NRXN1: variants seen among roughly 807,000 people sequenced by gnomAD.
NRXN1 encodes the protein neurexin-1.
NRXN1 carries 39 observed loss-of-function variants against 150.9 expected under a neutral mutation model. The ratio of observed to expected loss-of-function variants is 0.26; its 90% CI spans 0.20 to 0.34. The LOEUF is 0.34. Ranked by LOEUF, NRXN1 falls within the 10% of genes least tolerant of loss-of-function variation. The probability of loss-of-function intolerance (pLI) is 1.00; values close to 1 mark genes in which losing one functional copy is unlikely to be tolerated. For missense variants in NRXN1, 1,815 were observed against 1,949.9 expected (o/e 0.93, Z 1.30); for synonymous variants, 924 against 757.0 (o/e 1.22, Z -3.62).
intron 16 of NRXN1, chr2:50,466,575 A>T: frequency 2.2e-6 from 1 of 449,820 alleles, no homozygotes; most frequent in Non-Finnish European, 4.5e-6. Context: ...GAATGTTCAG[A>T]TTCAAAAGGC....
chr2:50,943,376 T>A (rs1274065288), intron 2 of NRXN1, among the ~76,000 whole-genome samples: 1 of 152,226 alleles, frequency 6.6e-6, no homozygotes, highest in African/African-American at 2.4e-5. Flanking sequence ...CAACCTAATA[T>A]AATCATATTT....
chr2:50,885,901 T>C (rs1003742286), intron 5 of NRXN1, among the ~76,000 whole-genome samples: 3 of 150,536 alleles, frequency 2.0e-5, no homozygotes, highest in African/African-American at 7.3e-5. Flanking sequence ...AGAAGTACAT[T>C]TTAGTTAATT....
chr2:50,239,070 C>T (rs182547234), intron 17 of NRXN1, among the ~76,000 whole-genome samples: 71 of 151,294 alleles, frequency 4.7e-4, no homozygotes, highest in Non-Finnish European at 9.2e-4. Context: ...TCCTGAGCCA[C>T]TTATGTTCTA....
chr2:50,685,329 C>A (rs1691062984), intron 5 of NRXN1, among the ~76,000 whole-genome samples: 2 of 152,260 alleles, frequency 1.3e-5, no homozygotes, highest in Admixed American at 6.5e-5. Context: ...AAAGCCAACA[C>A]ACTCAGGAAT....
At chr2:50,707,557 A>T (rs572882123) in intron 5 of NRXN1, among the ~76,000 whole-genome samples, 1 of 152,230 alleles carries the variant, frequency 6.6e-6, no homozygotes, top group East Asian at 1.9e-4. Context: ...GCTTTTTATC[A>T]TTTCAAAACT....
intron 8 of NRXN1, among the ~76,000 whole-genome samples, chr2:50,585,293 A>T (rs367803150): frequency 5.0e-4 from 76 of 152,326 alleles, no homozygotes; most frequent in African/African-American, 1.8e-3. Flanking sequence ...ATATTGTATG[A>T]TTCCACCTAT....
At chr2:50,902,076 T>C (rs1246740053) in intron 5 of NRXN1, among the ~76,000 whole-genome samples, 1 of 152,152 alleles carries the variant, frequency 6.6e-6, no homozygotes, top group Non-Finnish European at 1.5e-5. Context: ...AGTGTAATAA[T>C]GTACTATTTT....
chr2:50,964,005 A>G (rs1693639418), intron 2 of NRXN1: 2 of 438,020 alleles, frequency 4.6e-6, no homozygotes, highest in Middle Eastern at 6.8e-4. Context: ...AAATAGAGCA[A>G]CATGCTAATC....
At chr2:50,349,712 C>A (rs371505624) in intron 17 of NRXN1, among the ~76,000 whole-genome samples, 1 of 152,158 alleles carries the variant, frequency 6.6e-6, no homozygotes, top group African/African-American at 2.4e-5. Flanking sequence ...TGTTGGTGTT[C>A]TTTAAAATAT....
intron 5 of NRXN1, among the ~76,000 whole-genome samples, chr2:50,708,631 A>G (rs922626118): frequency 3.3e-5 from 5 of 152,092 alleles, no homozygotes; most frequent in Non-Finnish European, 7.4e-5. Flanking sequence ...TTTCCCATAA[A>G]ACAGGGTACC....
chr2:50,818,637 G>C (rs1026479442), intron 5 of NRXN1, among the ~76,000 whole-genome samples: 1 of 151,654 alleles, frequency 6.6e-6, no homozygotes, highest in African/African-American at 2.4e-5. Flanking sequence ...TCCTGAATAC[G>C]ACACCAAAAG....
intron 8 of NRXN1, among the ~76,000 whole-genome samples, chr2:50,557,324 A>G (rs754544671): frequency 6.6e-6 from 1 of 152,184 alleles, no homozygotes; most frequent in South Asian, 2.1e-4. Flanking sequence ...TCATTACTTA[A>G]CTATGGTAGT....
At chr2:50,177,774 ACTCTCT>A (rs72085403) in intron 18 of NRXN1, among the ~76,000 whole-genome samples, 46,984 of 130,976 alleles carry the variant, frequency 0.36, 8,442 homozygotes, top group East Asian at 0.51. Flanking sequence ...TAACTAACTA[ACTCTCT>A]CTCTCTCTCT....
At chr2:50,172,308 G>C (rs1053990355) in intron 18 of NRXN1, among the ~76,000 whole-genome samples, 4 of 152,078 alleles carry the variant, frequency 2.6e-5, no homozygotes, top group African/African-American at 4.8e-5. Flanking sequence ...AAAAATAGAA[G>C]TAATAACAAG....
intron 5 of NRXN1, among the ~76,000 whole-genome samples, chr2:50,677,601 T>C (rs753452707): frequency 2.6e-5 from 4 of 152,272 alleles, no homozygotes; most frequent in Middle Eastern, 3.4e-3. Flanking sequence ...TAATTGATTT[T>C]TTTTTTACCT....
intron 17 of NRXN1, among the ~76,000 whole-genome samples, chr2:50,277,749 G>T (rs1453644111): frequency 6.6e-6 from 1 of 152,002 alleles, no homozygotes; most frequent in Non-Finnish European, 1.5e-5. Flanking sequence ...AGTGCTTTGT[G>T]TCTGTTTATA....
intron 17 of NRXN1, among the ~76,000 whole-genome samples, chr2:50,318,397 C>G (rs899353359): frequency 7.2e-5 from 11 of 152,084 alleles, no homozygotes; most frequent in Non-Finnish European, 1.5e-4. Flanking sequence ...ACATGTGCAT[C>G]CTGTATGCAT....
intron 17 of NRXN1, among the ~76,000 whole-genome samples, chr2:50,448,186 T>C (rs72878310): frequency 0.21 from 32,269 of 151,938 alleles, 6,346 homozygotes; most frequent in East Asian, 0.52. Context: ...GATTCTCTGG[T>C]CGTCTAATAA....
At chr2:50,369,936 G>A (rs1194221393) in intron 17 of NRXN1, among the ~76,000 whole-genome samples, 1 of 151,936 alleles carries the variant, frequency 6.6e-6, no homozygotes, top group African/African-American at 2.4e-5. Context: ...TAGAAGAAAG[G>A]CCAAAAGGAA....
Sources: allele counts gnomAD v4.1 joint callset (sites outside exome capture counted in the v4.1 genomes callset), GRCh38; gene constraint gnomAD v4.1.1; transcripts MANE v1.5; gene names NCBI Gene and HGNC (gene_info 2026-07-23, HGNC 2026-07-21).